CA2: variants seen among roughly 807,000 people sequenced by gnomAD.
CA2 encodes carbonic anhydrase 2.
A neutral mutation model predicts 27.8 loss-of-function variants in CA2; 23 were observed. The ratio of observed to expected loss-of-function variants is 0.83; its 90% CI spans 0.59 to 1.17. The LOEUF is 1.17. Among genes scored for constraint, CA2 ranks in the 50% most tolerant of loss-of-function variants. The pLI, the probability that CA2 is intolerant of heterozygous loss-of-function variation, is 0.00. For synonymous variants in CA2, 99 were observed against 114.9 expected (o/e 0.86, Z 0.88); for missense variants, 300 against 314.7 (o/e 0.95, Z 0.35).
At chr8:85,477,923 G>A (rs1811829625) in intron 6 of CA2, among the ~76,000 whole-genome samples, 1 of 152,212 alleles carries the variant, frequency 6.6e-6, no homozygotes, top group Non-Finnish European at 1.5e-5. Flanking sequence ...TGTAGAAAGT[G>A]AACATTCCTT....
rs923773110 is a variant in CA2, at chr8:85,465,420, C to T, written c.183C>T (p.Asn61=). The T allele has an allele frequency of 1.3e-5, 21 of 1,614,086 alleles. No homozygotes were observed. In the Admixed American group the frequency reaches 2.8e-4, roughly 22 times the overall value. Residue 61 remains asparagine (N), a synonymous_variant, in exon 2 of 7, where the codon AAC becomes AAT. Coordinates refer to ENST00000285379, the MANE Select transcript of CA2 (RefSeq NM_000067.3). ...AAGCAACTTCCCTGAGGATCCTCAA[C>T]AATGGTCATGCTTTCAACGTGGAGT... ...YDQATSLRIL[N]NGHAFNVEFD...
chr8:85,464,217 A>G (rs934727555), intron 1 of CA2, 102 bp downstream of exon 1: 5 of 1,132,968 alleles, frequency 4.4e-6, no homozygotes, highest in Non-Finnish European at 4.9e-6. Context: ...GCGCCCGCAC[A>G]TGCTGTTTAC....
intron 3 of CA2, 150 bp from the exon 4 acceptor site, chr8:85,474,174 G>A (rs1272403101): frequency 2.8e-6 from 2 of 715,706 alleles, no homozygotes; most frequent in Non-Finnish European, 5.1e-6. Context: ...TGGATGATTA[G>A]AATTAAAATG....
Position 85,474,309 on chromosome 8 carries a change from T to C in CA2, c.352-15T>C. ...ATGTAAATCACTCACTGTGGCTTTGTCTCTTCGGCCTTAGCTTCACTTGGT... is the reference window on the plus strand; with the variant it reads ...ATGTAAATCACTCACTGTGGCTTTGCCTCTTCGGCCTTAGCTTCACTTGGT... On this transcript the variant is annotated splice_polypyrimidine_tract_variant and intron_variant, in intron 3 of 6. Coordinates refer to ENST00000285379, the MANE Select transcript of CA2 (RefSeq NM_000067.3). The C allele has an allele frequency of 1.9e-6, 3 of 1,601,682 alleles. No homozygotes were observed. Among genetic ancestry groups the C allele is most frequent in the Non-Finnish European group, 2.6e-6 (3 of 1,168,618 alleles).
In CA2 at chr8:85,468,621, G is replaced by T. The variant is rs76395297; in HGVS notation, c.232+3152G>T. 3.0e-3 allele frequency among the ~76,000 whole-genome samples: 453 copies of T among 152,180 alleles called. 1 individual carries two copies. Among genetic ancestry groups the T allele is most frequent in the African/African-American group, 0.01 (416 of 41,534 alleles). ...TAAAAATGCAAAAAATGAGCTAGGT[G>T]TTGTGGCATGTGCCTGTAATCCCAG... On this transcript the variant is annotated intron_variant, in intron 2 of 6. Transcript: ENST00000285379.
chr8:85,464,115 G>A lies in CA2; in HGVS notation c.34G>A (p.Gly12Arg). 1 of 1,542,050 alleles carries A rather than the reference G, an allele frequency of 6.5e-7. No homozygotes were observed. The highest frequency in any genetic ancestry group is 1.2e-5 in the South Asian group (1 of 83,396). ...TCACTGGGGGTACGGCAAACACAAC[G>A]GTGAGTGCCGGCGACGGCCAGCGCG... Reference protein sequence around the residue: ...SHHWGYGKHNGPEHWHKDFPI... With the variant: ...SHHWGYGKHNRPEHWHKDFPI... Residue 12 changes from glycine to arginine, a missense_variant and splice_region_variant, in exon 1 of 7, where the codon GGA (glycine) becomes AGA (arginine). Gly to Arg is a moderately radical substitution (Grantham distance 125). Transcript: ENST00000285379.
At position 85,464,146 on chromosome 8, in the gene CA2, GCCCCGATCCCCGAT is replaced by G. The variant is rs553482175; in HGVS notation, c.34+52_34+65del. 851 of 1,512,552 alleles carry G rather than the reference GCCCCGATCCCCGAT, an allele frequency of 5.6e-4. 1 individual carries two copies. Among genetic ancestry groups the G allele is most frequent in the Non-Finnish European group, 6.3e-4 (708 of 1,124,116 alleles). 93.7% of individuals were successfully genotyped at this position (1,512,552 alleles called of 1,614,324 possible). On this transcript the variant is annotated intron_variant, in intron 1 of 6. Transcript: ENST00000285379. ...TGCCGGCGACGGCCAGCGCGGGGGC[GCCCCGATCCCCGAT>G]CCCCGATCCCCGATCCCCGAGCCCG...
At chr8:85,464,672 T>C (rs1054923693) in intron 1 of CA2, 1 of 153,750 alleles carries the variant, frequency 6.5e-6, no homozygotes, top group African/African-American at 2.4e-5. Context: ...TTTCCCTTCA[T>C]CTCTCGACTT....
chr8:85,465,950 T>A (rs73263432), intron 2 of CA2, among the ~76,000 whole-genome samples: 3,941 of 152,262 alleles, frequency 0.026, 189 homozygotes, highest in African/African-American at 0.09. Context: ...GTTTTACTTA[T>A]GAGTATTTCT....
chr8:85,478,008 A>AT (rs756101700), intron 6 of CA2, among the ~76,000 whole-genome samples: 3 of 152,226 alleles, frequency 2.0e-5, no homozygotes, highest in Non-Finnish European at 4.4e-5. Context: ...AATGGTAACT[A>AT]TGTGAGTAGT....
intron 2 of CA2, among the ~76,000 whole-genome samples, chr8:85,467,450 G>A (rs73263434): frequency 9.9e-5 from 15 of 152,222 alleles, no homozygotes; most frequent in Admixed American, 3.3e-4. Context: ...AGTGCCTGGC[G>A]CATAGAAGTT....
chr8:85,476,231 G>T (rs1448508547), intron 5 of CA2, among the ~76,000 whole-genome samples: 10 of 152,208 alleles, frequency 6.6e-5, no homozygotes, highest in Admixed American at 6.5e-4. Flanking sequence ...TTGCAAACTA[G>T]TAGACACAAT....
At chr8:85,468,725 A>G (rs1811666941) in intron 2 of CA2, among the ~76,000 whole-genome samples, 1 of 152,082 alleles carries the variant, frequency 6.6e-6, no homozygotes, top group Non-Finnish European at 1.5e-5. Flanking sequence ...GCACCACTGC[A>G]CTCCAGCCTG....
intron 6 of CA2, among the ~76,000 whole-genome samples, chr8:85,480,250 T>C (rs1028974084): frequency 4.6e-5 from 7 of 152,056 alleles, no homozygotes; most frequent in African/African-American, 1.7e-4. Context: ...GGAATGTAAT[T>C]TTTGTTTGTT....
At chr8:85,478,336 A>T (rs1468569601) in intron 6 of CA2, among the ~76,000 whole-genome samples, 1 of 152,242 alleles carries the variant, frequency 6.6e-6, no homozygotes, top group Non-Finnish European at 1.5e-5. Context: ...GGGCCTAAAA[A>T]ATAGCATGCT....
At chr8:85,464,431 C>A in intron 1 of CA2, 1 of 350,300 alleles carries the variant, frequency 2.9e-6, no homozygotes, top group Non-Finnish European at 5.1e-6. Flanking sequence ...TCCCGGGTCC[C>A]GACCTGGGGA....
chr8:85,465,076 A>T (rs1461085515), intron 1 of CA2, among the ~76,000 whole-genome samples, 196 bp from the exon 2 acceptor site: 1 of 152,238 alleles, frequency 6.6e-6, no homozygotes, highest in Admixed American at 6.5e-5. Flanking sequence ...TCTATGAGGT[A>T]GATTTCTAAT....
At chr8:85,479,700 G>A (rs1043688449) in intron 6 of CA2, among the ~76,000 whole-genome samples, 2 of 152,164 alleles carry the variant, frequency 1.3e-5, no homozygotes, top group Non-Finnish European at 2.9e-5. Context: ...GGGTTCTAAT[G>A]TTAAATGCAT....
At chr8:85,470,573 C>G (rs1440850628) in intron 2 of CA2, among the ~76,000 whole-genome samples, 1 of 152,002 alleles carries the variant, frequency 6.6e-6, no homozygotes, top group African/African-American at 2.4e-5. Context: ...ATTAAATGTT[C>G]AGCTTTTAAT....
Sources: allele counts gnomAD v4.1 joint callset (sites outside exome capture counted in the v4.1 genomes callset), GRCh38; gene constraint gnomAD v4.1.1; transcripts MANE v1.5; gene names NCBI Gene and HGNC (gene_info 2026-07-23, HGNC 2026-07-21).